The following LPIN2 variants were observed in gnomAD, a reference collection of about 807,000 sequenced individuals.
LPIN2 encodes lipin 2, also known as phosphatidate phosphatase LPIN2.
LPIN2 carries 55 observed loss-of-function variants against 111.4 expected under a neutral mutation model. The ratio of observed to expected loss-of-function variants is 0.49; its 90% confidence interval spans 0.40 to 0.62. LPIN2 has a LOEUF of 0.62. Among genes scored for constraint, LPIN2 ranks in the 20% least tolerant of loss-of-function variants. LPIN2 has a pLI of 0.00. For missense variants in LPIN2, 992 were observed against 1,112.1 expected (o/e 0.89, Z 1.54); for synonymous variants, 425 against 414.0 (o/e 1.03, Z -0.32).
chr18:2,990,243 G>C lies in LPIN2; in HGVS notation c.-10+22844C>G, dbSNP rs2078245392. Among the ~76,000 whole-genome samples, 3 of 152,112 alleles carry C rather than the reference G, an allele frequency of 2.0e-5. No homozygotes were observed. The South Asian group carries it at 6.2e-4, about 32-fold the overall frequency. On this transcript the variant is annotated intron_variant, in intron 1 of 19. Coordinates refer to ENST00000677752, the MANE Select transcript of LPIN2 (RefSeq NM_001375808.2). ...ACATAGGGTAAATCTTCATGATCTTGGATTTGGCAAATGATTCTCAGATAT... is the reference window on the plus strand; with the variant it reads ...ACATAGGGTAAATCTTCATGATCTTCGATTTGGCAAATGATTCTCAGATAT...
chr18:2,973,877 G>C (rs1176452225), intron 1 of LPIN2, among the ~76,000 whole-genome samples: 1 of 152,178 alleles, frequency 6.6e-6, no homozygotes, highest in African/African-American at 2.4e-5. Flanking sequence ...ACCAGGGCAA[G>C]TGTGGAATTT....
chr18:2,960,174 ATG>A (rs59457524), intron 2 of LPIN2, among the ~76,000 whole-genome samples: 40,720 of 136,154 alleles, frequency 0.3, 6,194 homozygotes, highest in Non-Finnish European at 0.35. Flanking sequence ...CGACTCAAAA[ATG>A]TGTGTGTGTG....
At chr18:3,006,764 G>C (rs2078522580) in intron 1 of LPIN2, among the ~76,000 whole-genome samples, 2 of 152,152 alleles carry the variant, frequency 1.3e-5, no homozygotes, top group Admixed American at 6.5e-5. Context: ...ATGAACCCGG[G>C]AGGCGGAGCT....
chr18:2,923,197 GA>G (rs1386683500), intron 16 of LPIN2, among the ~76,000 whole-genome samples: 1 of 152,000 alleles, frequency 6.6e-6, no homozygotes, highest in East Asian at 1.9e-4. Context: ...GAGGCGGGGA[GA>G]TCACCTGAGG....
chr18:2,928,883 C>CA (rs1480299518), intron 10 of LPIN2, among the ~76,000 whole-genome samples, 182 bp downstream of exon 10: 9 of 152,208 alleles, frequency 5.9e-5, no homozygotes, highest in African/African-American at 2.2e-4. Flanking sequence ...AGTAACATTT[C>CA]AATGCTTCTT....
intron 15 of LPIN2, among the ~76,000 whole-genome samples, chr18:2,924,175 T>C (rs2077097279): frequency 6.6e-6 from 1 of 152,142 alleles, no homozygotes; most frequent in South Asian, 2.1e-4. Flanking sequence ...AACTAATCTT[T>C]CCAAAAGTGA....
chr18:3,012,914 C>G (rs1005848108), intron 1 of LPIN2, among the ~76,000 whole-genome samples, 173 bp downstream of exon 1: 10 of 151,392 alleles, frequency 6.6e-5, no homozygotes, highest in African/African-American at 1.9e-4. Flanking sequence ...ACGCGAGGAC[C>G]GGGAAGCGGG....
intron 10 of LPIN2, 36 bp downstream of exon 10, chr18:2,929,029 A>G (rs2077176057): frequency 3.0e-6 from 4 of 1,323,332 alleles, no homozygotes; most frequent in Middle Eastern, 1.9e-4. Flanking sequence ...AAAAACTGCA[A>G]GAGTATTTAA....
At chr18:2,960,080 G>C (rs533002866) in intron 2 of LPIN2, among the ~76,000 whole-genome samples, 1 of 152,134 alleles carries the variant, frequency 6.6e-6, no homozygotes, top group Non-Finnish European at 1.5e-5. Flanking sequence ...TGAGGCAGGA[G>C]AATCGCTTGA....
At position 2,931,264 on chromosome 18, in the gene LPIN2, A is replaced by G; in HGVS notation, c.1448T>C (p.Ile483Thr). ...LCGGLSENGEISKEKFMEHII... is the reference protein window; with the variant it reads ...LCGGLSENGETSKEKFMEHII... Reference sequence around the variant, plus strand: ...ACAAACACCCAACGTACCTTTTGAAATTTCTCCATTTTCACTGAGGCCCCC... The same window carrying G: ...ACAAACACCCAACGTACCTTTTGAAGTTTCTCCATTTTCACTGAGGCCCCC... The change falls in exon 9 of 20, where the codon ATT becomes ACT. Residue 483 changes from isoleucine (I) to threonine (T), a missense_variant. Around this residue, in one of 4 missense-constraint regions of LPIN2, gnomAD observed 709 missense variants for 753.2 expected, o/e 0.94. Transcript: ENST00000677752. The G allele has an allele frequency of 6.2e-7, 1 of 1,614,128 alleles. No homozygotes were observed. Among genetic ancestry groups the G allele is most frequent in the Non-Finnish European group, 8.5e-7 (1 of 1,180,028 alleles).
rs778825863 is a variant in LPIN2 at position 2,937,814 on chromosome 18, G to C, written c.1046C>G (p.Pro349Arg). ...PTSVAELLEP[P>R]LESTQISSML... Reference sequence around the variant, plus strand: ...AGATGAAATCTGAGTACTCTCAAGAGGAGGTTCGAGAAGCTCTGCCACAGA... The same window carrying C: ...AGATGAAATCTGAGTACTCTCAAGACGAGGTTCGAGAAGCTCTGCCACAGA... Residue 349 changes from proline (P) to arginine (R), a missense_variant, in exon 7 of 20, where the codon CCT becomes CGT. Around this residue, in one of 4 missense-constraint regions of LPIN2, gnomAD observed 709 missense variants for 753.2 expected, o/e 0.94. Transcript: ENST00000677752. 2 of 1,614,132 alleles carry C rather than the reference G, an allele frequency of 1.2e-6. No individual in the cohort carries two copies. Among genetic ancestry groups the C allele is most frequent in the Admixed American group, 3.3e-5 (2 of 60,010 alleles).
intron 1 of LPIN2, among the ~76,000 whole-genome samples, chr18:2,981,930 A>T (rs971758532): frequency 2.0e-5 from 3 of 152,218 alleles, no homozygotes; most frequent in East Asian, 1.9e-4. Context: ...CCTTAATTTT[A>T]AAAAATAACC....
chr18:2,940,472 TGTTAC>T (rs1420929539), intron 5 of LPIN2, 128 bp downstream of exon 5: 1 of 626,754 alleles, frequency 1.6e-6, no homozygotes, highest in Non-Finnish European at 2.8e-6. Context: ...TTCATATTTA[TGTTAC>T]AAGTAAACAT....
At chr18:2,993,489 C>CT (rs1195058614) in intron 1 of LPIN2, among the ~76,000 whole-genome samples, 1 of 152,210 alleles carries the variant, frequency 6.6e-6, no homozygotes, top group African/African-American at 2.4e-5. Flanking sequence ...GTAAAACAAT[C>CT]TGACATTTCG....
chr18:2,944,849 G>A (rs1166968486), intron 4 of LPIN2, among the ~76,000 whole-genome samples: 2 of 152,070 alleles, frequency 1.3e-5, no homozygotes, highest in Non-Finnish European at 2.9e-5. Context: ...CTTATAAAAT[G>A]GTGAATTTTA....
At chr18:2,992,786 G>A (rs921155530) in intron 1 of LPIN2, among the ~76,000 whole-genome samples, 2 of 151,808 alleles carry the variant, frequency 1.3e-5, no homozygotes, top group East Asian at 1.9e-4. Flanking sequence ...GATGGAGACC[G>A]TCCTGGCTAA....
intron 1 of LPIN2, among the ~76,000 whole-genome samples, chr18:2,976,709 T>A (rs1316300492): frequency 6.6e-6 from 1 of 152,182 alleles, no homozygotes; most frequent in Non-Finnish European, 1.5e-5. Context: ...AACAGGGGAC[T>A]TACTTTACTA....
chr18:2,945,810 A>G, intron 4 of LPIN2: 2 of 1,412,656 alleles, frequency 1.4e-6, no homozygotes. Context: ...TTTAGCCTAT[A>G]CTGAAATGGT....
At position 2,929,223 on chromosome 18, in the gene LPIN2, ACT is replaced by A. The variant is rs1187007199; in HGVS notation, c.1457-67_1457-66del. ...ATAAATCCCTATATGAGATTATAAT[ACT>A]CTCTGCATTGCAGAAATTGAAGGCT... On this transcript the variant is annotated intron_variant, in intron 9 of 19. Transcript: ENST00000677752. The A allele has an allele frequency of 2.4e-5, 25 of 1,033,684 alleles. No individual in the cohort carries two copies. The East Asian group carries it at 2.9e-4, about 12-fold the overall frequency. 64.0% of individuals were successfully genotyped at this position (1,033,684 alleles called of 1,614,324 possible).
Sources: gnomAD v4.1 joint callset for allele counts (sites outside exome capture counted in the v4.1 genomes callset) on GRCh38, gnomAD v4.1.1 for gene constraint, gnomAD v4.1.1 regional missense constraint, MANE v1.5 for transcripts, NCBI Gene and HGNC (gene_info 2026-07-23, HGNC 2026-07-21) for gene names.